The following SPATA13 variants were observed in gnomAD, a reference collection of about 807,000 sequenced individuals.
The protein encoded by SPATA13 is spermatogenesis associated 13.
In SPATA13, 50 loss-of-function variants were observed where a neutral mutation model predicts 104.0. That is an observed-to-expected ratio of 0.48 (90% CI 0.38 to 0.61). The LOEUF is 0.61. Ranked by LOEUF, SPATA13 falls within the 20% of genes least tolerant of loss-of-function variation. The pLI is 0.00. For missense variants in SPATA13, 1,524 were observed against 1,690.6 expected, an observed-to-expected ratio of 0.90 and a Z score of 1.73; for synonymous variants, 606 against 667.5, an observed-to-expected ratio of 0.91 and a Z score of 1.42.
At chr13:24,131,276 G>T (rs542640865) in intron 3 of SPATA13, among the ~76,000 whole-genome samples, 1 of 152,302 alleles carries the variant, frequency 6.6e-6, no homozygotes, top group Admixed American at 6.5e-5. Flanking sequence ...GGCATATCTT[G>T]TCTTGACCAG....
chr13:24,167,859 T>C (rs1005651988), intron 1 of SPATA13, among the ~76,000 whole-genome samples: 1 of 152,230 alleles, frequency 6.6e-6, no homozygotes, highest in Non-Finnish European at 1.5e-5. Flanking sequence ...TTCATTGTTT[T>C]ATTCATTCAG....
At chr13:24,262,003 T>C (rs911517886) in intron 4 of SPATA13, among the ~76,000 whole-genome samples, 1 of 152,244 alleles carries the variant, frequency 6.6e-6, no homozygotes, top group Non-Finnish European at 1.5e-5. Flanking sequence ...ATTACCAGTA[T>C]CTGAAAGCTT....
At chr13:24,229,463 T>C (rs1484973930) in intron 2 of SPATA13, among the ~76,000 whole-genome samples, 1 of 152,154 alleles carries the variant, frequency 6.6e-6, no homozygotes, top group East Asian at 1.9e-4. Context: ...CATCTGCCCC[T>C]GGGGATGGTA....
intron 3 of SPATA13, among the ~76,000 whole-genome samples, chr13:24,079,805 G>T (rs1415835109): frequency 6.6e-6 from 1 of 152,116 alleles, no homozygotes; most frequent in African/African-American, 2.4e-5. Flanking sequence ...TGTACTTTCT[G>T]ATTACATCTC....
intron 3 of SPATA13, among the ~76,000 whole-genome samples, chr13:24,067,173 C>T (rs1332850527): frequency 6.6e-6 from 1 of 152,146 alleles, no homozygotes; most frequent in African/African-American, 2.4e-5. Context: ...TGCTGCCTGC[C>T]CAATCTTTAC....
chr13:24,276,313 TTA>T (rs1314590252), intron 4 of SPATA13, among the ~76,000 whole-genome samples: 3 of 152,230 alleles, frequency 2.0e-5, no homozygotes, highest in Non-Finnish European at 4.4e-5. Flanking sequence ...CAATGGAATA[TTA>T]TATAGTGTTT....
At chr13:24,133,971 G>A (rs952087308) in intron 3 of SPATA13, among the ~76,000 whole-genome samples, 10 of 152,164 alleles carry the variant, frequency 6.6e-5, no homozygotes, top group African/African-American at 2.4e-4. Context: ...GGAGGGGGCT[G>A]GGTCGAGCCC....
intron 3 of SPATA13, 75 bp from the exon 4 acceptor site, chr13:24,251,643 C>G: frequency 6.4e-7 from 1 of 1,572,500 alleles, no homozygotes; most frequent in South Asian, 1.2e-5. Flanking sequence ...GAGGTGAGAG[C>G]GCTATGCGTG....
At position 24,303,284 on chromosome 13, in the gene SPATA13, G is replaced by T. The variant is rs559396964; in HGVS notation, c.*511G>T. 1 of 393,126 alleles carries T rather than the reference G, an allele frequency of 2.5e-6. No individual in the cohort carries two copies. Among genetic ancestry groups the T allele is most frequent in the Non-Finnish European group, 5.1e-6 (1 of 195,088 alleles). The allele number at this position is 393,126 out of a possible 1,614,324, so 24.4% of individuals were successfully genotyped here. On this transcript the variant is annotated 3_prime_UTR_variant, in exon 13 of 13. Transcript: ENST00000382108. ...CTCTTACTCTCTTCTGTAATACTGGGGGACCTACAGCTGCCGTGGGGCTGA... is the reference window on the plus strand; with the variant it reads ...CTCTTACTCTCTTCTGTAATACTGGTGGACCTACAGCTGCCGTGGGGCTGA...
At chr13:24,213,420 C>G (rs1044183492) in intron 1 of SPATA13, among the ~76,000 whole-genome samples, 1 of 152,152 alleles carries the variant, frequency 6.6e-6, no homozygotes, top group Non-Finnish European at 1.5e-5. Flanking sequence ...GTGTGGGCCA[C>G]CATGCCCGGC....
intron 3 of SPATA13, among the ~76,000 whole-genome samples, chr13:24,145,257 T>C (rs9511088): frequency 0.74 from 112,041 of 152,128 alleles, 41,797 homozygotes; most frequent in Non-Finnish European, 0.78. Context: ...CACAAAATAC[T>C]AAGTAGACAG....
At chr13:24,155,520 A>G (rs760398481) in intron 3 of SPATA13, among the ~76,000 whole-genome samples, 3 of 152,192 alleles carry the variant, frequency 2.0e-5, no homozygotes, top group Admixed American at 6.5e-5. Context: ...CATTATTTAA[A>G]GTGGGACTGA....
chr13:24,057,562 G>A (rs1335260986), intron 3 of SPATA13, among the ~76,000 whole-genome samples: 4 of 152,020 alleles, frequency 2.6e-5, no homozygotes, highest in South Asian at 2.1e-4. Context: ...AAGGACTGGT[G>A]CAGGGCTGGG....
intron 3 of SPATA13, among the ~76,000 whole-genome samples, chr13:24,050,418 A>C (rs1471007303): frequency 6.6e-6 from 1 of 152,172 alleles, no homozygotes. Context: ...TTATAAGAGG[A>C]GAGCATCAAC....
chr13:24,210,255 C>A (rs150870333), intron 1 of SPATA13, among the ~76,000 whole-genome samples: 7 of 152,194 alleles, frequency 4.6e-5, no homozygotes, highest in African/African-American at 1.7e-4. Context: ...GTTTCTTTTG[C>A]TATGAAAAGC....
At chr13:24,082,912 A>G (rs1354112579) in intron 3 of SPATA13, among the ~76,000 whole-genome samples, 1 of 150,954 alleles carries the variant, frequency 6.6e-6, no homozygotes, top group African/African-American at 2.4e-5. Context: ...AAATCGTCTC[A>G]GTATGGAAGG....
At chr13:24,009,108 C>A (rs1228036892) in intron 2 of SPATA13, among the ~76,000 whole-genome samples, 1 of 152,148 alleles carries the variant, frequency 6.6e-6, no homozygotes, top group African/African-American at 2.4e-5. Flanking sequence ...CTGAGGGTGC[C>A]CTGAAAACCT....
intron 1 of SPATA13, among the ~76,000 whole-genome samples, chr13:24,220,892 T>C (rs1871543930): frequency 6.6e-6 from 1 of 152,202 alleles, no homozygotes. Flanking sequence ...AAGAGAGATG[T>C]TTCTGTTTGC....
chr13:24,051,327 G>A lies in SPATA13; in HGVS notation c.-112+33626G>A, dbSNP rs1021998468. 4.6e-5 allele frequency among the ~76,000 whole-genome samples: 7 copies of A among 152,212 alleles called. No homozygotes were observed. The highest frequency in any genetic ancestry group is 4.6e-4 in the Admixed American group (7 of 15,280). On this transcript the variant is annotated intron_variant, in intron 3 of 14. Coordinates refer to the SPATA13 transcript ENST00000424834. The surrounding 1 kb of genome is among the most constrained non-coding windows in gnomAD (Gnocchi z 4.2). Reference sequence around the variant, plus strand: ...AGGACTTCCTGGTCCTGGCATTTCAGGTGAATGACCCTTGTCTGGGGTTGA... The same window carrying A: ...AGGACTTCCTGGTCCTGGCATTTCAAGTGAATGACCCTTGTCTGGGGTTGA...
Sources: allele counts gnomAD v4.1 joint callset (sites outside exome capture counted in the v4.1 genomes callset), GRCh38; gene constraint gnomAD v4.1.1; non-coding constraint Gnocchi (gnomAD v3.1); transcripts MANE v1.5; gene names NCBI Gene and HGNC (gene_info 2026-07-23, HGNC 2026-07-21).